Variants in ZNF141 observed in about 807,000 individuals in gnomAD.
The protein encoded by ZNF141 is zinc finger protein 141.
A neutral mutation model predicts 11.3 loss-of-function variants in ZNF141; 7 were observed. That is an observed-to-expected ratio of 0.62 (90% CI 0.35 to 1.16). The LOEUF (loss-of-function observed/expected upper bound fraction) is 1.16, where lower values mean the gene tolerates loss of function less well. Ranked by LOEUF, ZNF141 falls within the 50% of genes most tolerant of loss-of-function variation. The pLI, the probability that ZNF141 is intolerant of heterozygous loss-of-function variation, is 0.02. For missense variants in ZNF141, 535 were observed against 554.0 expected (o/e 0.97, Z 0.34); for synonymous variants, 183 against 190.7 (o/e 0.96, Z 0.33).
At position 382,706 on chromosome 4, in the gene ZNF141, A is replaced by G. The variant is rs1712719263; in HGVS notation, c.*8844A>G. On this transcript the variant is annotated 3_prime_UTR_variant, in exon 4 of 4. Coordinates refer to ENST00000240499, the MANE Select transcript of ZNF141 (RefSeq NM_003441.4). ...ATGGATGGATGGCATGAGATTCTCAAAAAAATCTTGCTCCTATTTCAGAAG... is the reference window on the plus strand; with the variant it reads ...ATGGATGGATGGCATGAGATTCTCAGAAAAATCTTGCTCCTATTTCAGAAG... The G allele has an allele frequency of 6.5e-6, 1 of 154,748 alleles. No individual in the cohort carries two copies. The highest frequency in any genetic ancestry group is 2.4e-5 in the African/African-American group (1 of 41,504). The allele number at this position is 154,748 out of a possible 1,614,324, so 9.6% of individuals were successfully genotyped here. A position where few individuals can be genotyped will look rare whatever the true frequency, so the allele number is the denominator to read the frequency against.
intron 3 of ZNF141, among the ~76,000 whole-genome samples, chr4:363,466 A>G (rs1711580252): frequency 6.6e-6 from 1 of 152,160 alleles, no homozygotes; most frequent in Non-Finnish European, 1.5e-5. Flanking sequence ...TTCAAAGGGA[A>G]TGCTTCCTGC....
intron 3 of ZNF141, among the ~76,000 whole-genome samples, chr4:344,774 CAG>C (rs1159025360): frequency 3.3e-5 from 5 of 152,096 alleles, no homozygotes; most frequent in African/African-American, 9.7e-5. Context: ...AGCCTGGTGA[CAG>C]AGTTAGACTC....
intron 3 of ZNF141, among the ~76,000 whole-genome samples, chr4:366,132 G>C (rs1473636045): frequency 6.6e-6 from 1 of 152,098 alleles, no homozygotes; most frequent in Non-Finnish European, 1.5e-5. Flanking sequence ...GGTTGGTCCT[G>C]GTTAATTTTA....
intron 1 of ZNF141, chr4:338,364 A>C: frequency 4.4e-6 from 1 of 227,820 alleles, no homozygotes; most frequent in Non-Finnish European, 8.8e-6. Context: ...CCCCATCAAA[A>C]CAGAGTTCAT....
chr4:359,088 G>A (rs1249318393), intron 3 of ZNF141, among the ~76,000 whole-genome samples: 6 of 152,172 alleles, frequency 3.9e-5, no homozygotes, highest in African/African-American at 1.4e-4. Context: ...GTTTAGGGAG[G>A]TAAATATCTT....
rs782618757 is a variant in ZNF141 at position 373,238 on chromosome 4, C to T, written c.801C>T (p.Phe267=). The part of the protein sequence containing the change: ...CEECGKAFNR[F]TTLTKHKRIH... ...AATGTGGCAAAGCCTTTAATAGGTT[C>T]ACAACCCTTACTAAACATAAGAGAA... Residue 267 remains phenylalanine, a synonymous_variant, in exon 4 of 4, where the codon TTC becomes TTT. Transcript: ENST00000240499. 1 of 1,613,722 alleles carries T rather than the reference C, an allele frequency of 6.2e-7. No individual in the cohort carries two copies. Among genetic ancestry groups the T allele is most frequent in the South Asian group, 1.1e-5 (1 of 91,070 alleles).
intron 3 of ZNF141, among the ~76,000 whole-genome samples, chr4:359,080 T>G (rs1721988403): frequency 6.6e-6 from 1 of 152,160 alleles, no homozygotes; most frequent in African/African-American, 2.4e-5. Flanking sequence ...ACAGACTAGT[T>G]TAGGGAGGTA....
Position 337,827 on chromosome 4 carries a change from GCTACTACCAGA to G in ZNF141, c.-155_-145del. 1 of 932,228 alleles carries G rather than the reference GCTACTACCAGA, an allele frequency of 1.1e-6. No individual in the cohort carries two copies. The highest frequency in any genetic ancestry group is 1.3e-5 in the South Asian group (1 of 75,728). 57.7% of individuals were successfully genotyped at this position (932,228 alleles called of 1,614,324 possible). On this transcript the variant is annotated 5_prime_UTR_variant, in exon 1 of 4. Transcript: ENST00000240499. ...GATGTGGCGCGGGTCTTTGCGTCTGGCTACTACCAGACCGCGGGTTAGGGGCTTCATCTCTC... is the reference window on the plus strand; with the variant it reads ...GATGTGGCGCGGGTCTTTGCGTCTGGCCGCGGGTTAGGGGCTTCATCTCTC...
At chr4:353,336 G>C (rs7682942) in intron 3 of ZNF141, among the ~76,000 whole-genome samples, 3 of 148,808 alleles carry the variant, frequency 2.0e-5, no homozygotes, top group Non-Finnish European at 3.0e-5. Context: ...GATCATGCCA[G>C]TGCACTCCAG....
rs59617897 is a variant in ZNF141, at chr4:369,765, T to TATATATGTATA, written c.227-2899_227-2898insATATATGTATA. On this transcript the variant is annotated intron_variant, in intron 3 of 3. Transcript: ENST00000240499. Reference sequence around the variant, plus strand: ...ATATATATATATATATATATATATATTTTTTTTTTTTTTTTTTTTGAGAGG... The same window carrying TATATATGTATA: ...ATATATATATATATATATATATATATATATATGTATATTTTTTTTTTTTTTTTTTTGAGAGG... 5.7e-4 allele frequency among the ~76,000 whole-genome samples: 15 copies of TATATATGTATA among 26,470 alleles called. 1 individual carries two copies. The highest frequency in any genetic ancestry group is 8.2e-4 in the Non-Finnish European group (13 of 15,908). 17.4% of individuals were successfully genotyped at this position (26,470 alleles called of 152,430 possible).
chr4:343,988 T>G, intron 2 of ZNF141, 80 bp downstream of exon 2: 1 of 1,532,678 alleles, frequency 6.5e-7, no homozygotes, highest in Non-Finnish European at 8.7e-7. Context: ...TCCTGGGAAC[T>G]TTTATGTTTT....
At chr4:363,774 C>CGG (rs59300063) in intron 3 of ZNF141, among the ~76,000 whole-genome samples, 2 of 148,642 alleles carry the variant, frequency 1.3e-5, no homozygotes, top group African/African-American at 5.0e-5. Context: ...AAAAAAAAGG[C>CGG]GGGGGGGAAT....
At chr4:351,735 C>G (rs923545194) in intron 3 of ZNF141, among the ~76,000 whole-genome samples, 2 of 152,110 alleles carry the variant, frequency 1.3e-5, no homozygotes, top group African/African-American at 2.4e-5. Flanking sequence ...AATCTTGATT[C>G]TGCCAAAGCA....
rs1712368875 is a variant in ZNF141, at chr4:376,471, C to G, written c.*2609C>G. 6.6e-6 allele frequency among the ~76,000 whole-genome samples: 1 copy of G among 152,026 alleles called. No individual in the cohort carries two copies. The highest frequency in any genetic ancestry group is 1.9e-4 in the East Asian group (1 of 5,196). On this transcript the variant is annotated 3_prime_UTR_variant, in exon 4 of 4. Coordinates refer to ENST00000240499, the MANE Select transcript of ZNF141 (RefSeq NM_003441.4). ...GTATTACACACAATCCAATTATACA[C>G]TTTAATTATTTCTAAATGTACAATT...
Position 337,861 on chromosome 4 carries a change from C to T in ZNF141, c.-123C>T, listed in dbSNP as rs1362088705. ...AGACCGCGGGTTAGGGGCTTCATCTCTCTGCGTTCTCAGTTGTGGGAGGCC... is the reference window on the plus strand; with the variant it reads ...AGACCGCGGGTTAGGGGCTTCATCTTTCTGCGTTCTCAGTTGTGGGAGGCC... On this transcript the variant is annotated 5_prime_UTR_variant, in exon 1 of 4. Coordinates refer to ENST00000240499, the MANE Select transcript of ZNF141 (RefSeq NM_003441.4). The T allele has an allele frequency of 1.9e-5, 25 of 1,345,008 alleles. No homozygotes were observed. The highest frequency in any genetic ancestry group is 2.5e-5 in the Non-Finnish European group (24 of 950,128). 83.3% of individuals were successfully genotyped at this position (1,345,008 alleles called of 1,614,324 possible). A position where few individuals can be genotyped will look rare whatever the true frequency, so the allele number is the denominator to read the frequency against.
At chr4:353,277 G>T (rs1017448179) in intron 3 of ZNF141, among the ~76,000 whole-genome samples, 5 of 151,502 alleles carry the variant, frequency 3.3e-5, no homozygotes, top group African/African-American at 1.2e-4. Context: ...GGGGGACTGA[G>T]TCTGGAGGAT....
chr4:377,384 G>A lies in ZNF141; in HGVS notation c.*3522G>A, dbSNP rs782494211. Among the ~76,000 whole-genome samples the A allele has an allele frequency of 6.6e-6, 1 of 152,190 alleles. No homozygotes were observed. Among genetic ancestry groups the A allele is most frequent in the Non-Finnish European group, 1.5e-5 (1 of 68,044 alleles). On this transcript the variant is annotated 3_prime_UTR_variant, in exon 4 of 4. Coordinates refer to ENST00000240499, the MANE Select transcript of ZNF141 (RefSeq NM_003441.4). Reference sequence around the variant, plus strand: ...AACAAATGGCATTAATTGTGCATGTGGAGAGGACGTCTGTTCTCAGGCTGC... The same window carrying A: ...AACAAATGGCATTAATTGTGCATGTAGAGAGGACGTCTGTTCTCAGGCTGC...
chr4:373,081 A>G lies in ZNF141; in HGVS notation c.644A>G (p.Asn215Ser), dbSNP rs1553853857. The change falls in exon 4 of 4, where the codon AAT (asparagine) becomes AGT (serine). Residue 215 changes from asparagine (N) to serine (S), a missense_variant. By Grantham distance (46) the Asn-to-Ser change is conservative. Transcript: ENST00000240499. Reference protein sequence around the residue: ...GKAFKWSLIFNEHKRIHTGEK... With the variant: ...GKAFKWSLIFSEHKRIHTGEK... The stretch of plus-strand genomic sequence containing the variant: ...GCCTTTAAATGGTCTTTAATATTTA[A>G]TGAACATAAGAGAATTCATACTGGA... The G allele has an allele frequency of 6.2e-7, 1 of 1,611,836 alleles. No individual in the cohort carries two copies. Among genetic ancestry groups the G allele is most frequent in the African/African-American group, 1.3e-5 (1 of 74,210 alleles).
chr4:344,514 G>A, intron 3 of ZNF141, 84 bp downstream of exon 3: 1 of 1,260,770 alleles, frequency 7.9e-7, no homozygotes, highest in Non-Finnish European at 1.1e-6. Flanking sequence ...TGTGGTTTGG[G>A]GCCGGGTGCA....
Sources: gnomAD v4.1 joint callset for allele counts (sites outside exome capture counted in the v4.1 genomes callset) on GRCh38, gnomAD v4.1.1 for gene constraint, MANE v1.5 for transcripts, NCBI Gene and HGNC (gene_info 2026-07-23, HGNC 2026-07-21) for gene names.